SOS1: variants seen among roughly 807,000 people sequenced by gnomAD.
SOS1 encodes son of sevenless homolog 1.
In SOS1, 25 loss-of-function variants were observed where a neutral mutation model predicts 157.6. The ratio of observed to expected loss-of-function variants is 0.16; its 90% CI spans 0.12 to 0.22. SOS1 has a LOEUF of 0.22. Ranked by LOEUF, SOS1 falls within the 10% of genes least tolerant of loss-of-function variation. The probability of loss-of-function intolerance (pLI) is 1.00; values close to 1 mark genes in which losing one functional copy is unlikely to be tolerated. For missense variants in SOS1, 1,237 were observed against 1,599.1 expected (o/e 0.77, Z 3.86); for synonymous variants, 528 against 534.0 (o/e 0.99, Z 0.16).
At chr2:39,079,958 T>C (rs1672143788) in intron 1 of SOS1, among the ~76,000 whole-genome samples, 2 of 152,016 alleles carry the variant, frequency 1.3e-5, no homozygotes, top group Admixed American at 1.3e-4. Context: ...CTAAAGTCAG[T>C]GGTCCCCAAC....
chr2:39,023,257 T>A (rs532129605), intron 9 of SOS1, 32 bp from the exon 10 acceptor site: 1 of 1,549,370 alleles, frequency 6.5e-7, no homozygotes, highest in East Asian at 2.2e-5. Flanking sequence ...TATTAGTACA[T>A]AGATGACAGA....
At chr2:39,109,689 T>C (rs1019220119) in intron 1 of SOS1, among the ~76,000 whole-genome samples, 3 of 152,200 alleles carry the variant, frequency 2.0e-5, no homozygotes, top group Non-Finnish European at 2.9e-5. Context: ...CTTGTGCAGT[T>C]TGTCCTCATA....
intron 6 of SOS1, among the ~76,000 whole-genome samples, chr2:39,040,414 C>T (rs777377759): frequency 1.4e-4 from 22 of 152,216 alleles, no homozygotes; most frequent in Non-Finnish European, 2.5e-4. Flanking sequence ...CAATGTGCAA[C>T]GGTCCATTTC....
intron 1 of SOS1, among the ~76,000 whole-genome samples, chr2:39,114,607 G>A (rs940262759): frequency 3.3e-5 from 5 of 151,838 alleles, no homozygotes; most frequent in Admixed American, 1.3e-4. Context: ...CGGCTGATTT[G>A]TTTTTGTTTC....
intron 6 of SOS1, among the ~76,000 whole-genome samples, chr2:39,036,872 G>A (rs1001147480): frequency 7.2e-5 from 11 of 151,844 alleles, no homozygotes; most frequent in African/African-American, 2.4e-4. Context: ...ACCGCGCCCG[G>A]CCTGACCAGG....
chr2:39,048,464 G>A (rs1404292922), intron 6 of SOS1, among the ~76,000 whole-genome samples: 1 of 151,754 alleles, frequency 6.6e-6, no homozygotes, highest in African/African-American at 2.4e-5. Flanking sequence ...ACAGTGGCAT[G>A]AACTCAGCTC....
At chr2:39,046,566 G>C (rs886358154) in intron 6 of SOS1, among the ~76,000 whole-genome samples, 1 of 146,720 alleles carries the variant, frequency 6.8e-6, no homozygotes, top group Admixed American at 6.8e-5. Flanking sequence ...GTGCAGTGGC[G>C]GGATCTCGGC....
intron 1 of SOS1, among the ~76,000 whole-genome samples, chr2:39,115,402 C>CTTTT (rs1558520809): frequency 2.0e-5 from 2 of 99,556 alleles, no homozygotes; most frequent in Non-Finnish European, 4.5e-5. Context: ...AATTTGTTCT[C>CTTTT]TCTCTTTTTT....
intron 1 of SOS1, among the ~76,000 whole-genome samples, chr2:39,108,913 T>C (rs1673310835): frequency 6.6e-6 from 1 of 151,482 alleles, no homozygotes; most frequent in Admixed American, 6.6e-5. Context: ...AAAAAAATTA[T>C]ATGGGCTGGG....
intron 16 of SOS1, among the ~76,000 whole-genome samples, chr2:39,006,800 G>T (rs1280193349): frequency 6.6e-6 from 1 of 152,074 alleles, no homozygotes; most frequent in Non-Finnish European, 1.5e-5. Context: ...CAAATTAAGT[G>T]CCGAAAGTTT....
chr2:39,094,037 A>T (rs550093157), intron 1 of SOS1, among the ~76,000 whole-genome samples: 1 of 152,212 alleles, frequency 6.6e-6, no homozygotes, highest in East Asian at 1.9e-4. Flanking sequence ...CTAAAACAGC[A>T]TATCACAAAC....
intron 8 of SOS1, among the ~76,000 whole-genome samples, chr2:39,033,940 G>A (rs1049848240): frequency 1.1e-4 from 16 of 151,220 alleles, no homozygotes; most frequent in Non-Finnish European, 1.9e-4. Flanking sequence ...AAAAAATCCC[G>A]TTATTAGAGA....
intron 13 of SOS1, 86 bp downstream of exon 13, chr2:39,013,374 A>T: frequency 1.2e-6 from 1 of 847,826 alleles, no homozygotes; most frequent in Non-Finnish European, 2.0e-6. Flanking sequence ...ATCTTACATT[A>T]CTGAGCCCCA....
intron 3 of SOS1, 32 bp from the exon 4 acceptor site, chr2:39,056,898 A>G: frequency 7.0e-7 from 1 of 1,432,026 alleles, no homozygotes; most frequent in Non-Finnish European, 9.8e-7. Flanking sequence ...ATGTTTAAAC[A>G]TCATATACTG....
At chr2:38,989,848 C>T (rs1668677142) in intron 20 of SOS1, among the ~76,000 whole-genome samples, 1 of 151,940 alleles carries the variant, frequency 6.6e-6, no homozygotes, top group Non-Finnish European at 1.5e-5. Context: ...TAGTCATAAA[C>T]ATTTTTTTTA....
intron 3 of SOS1, 47 bp downstream of exon 3, chr2:39,058,626 G>A: frequency 1.3e-6 from 2 of 1,593,558 alleles, no homozygotes; most frequent in Non-Finnish European, 1.7e-6. Context: ...AAAATGGTGG[G>A]TTTTATTTTT....
At chr2:39,102,147 G>A (rs1002572537) in intron 1 of SOS1, among the ~76,000 whole-genome samples, 1 of 135,046 alleles carries the variant, frequency 7.4e-6, no homozygotes, top group African/African-American at 2.7e-5. Flanking sequence ...AGAGGTTGCA[G>A]TGAGCTGAGA....
intron 15 of SOS1, 116 bp downstream of exon 15, chr2:39,010,468 C>A (rs532972679): frequency 1.1e-6 from 1 of 933,416 alleles, no homozygotes; most frequent in African/African-American, 1.6e-5. Flanking sequence ...TGCCACTGCA[C>A]TCCAGCCTAT....
intron 1 of SOS1, among the ~76,000 whole-genome samples, chr2:39,103,089 T>C (rs889840635): frequency 6.6e-5 from 10 of 152,090 alleles, no homozygotes; most frequent in African/African-American, 2.4e-5. Context: ...AAAGAGTACC[T>C]AGAAAGAGAT....
Sources: gnomAD v4.1 joint callset for allele counts (sites outside exome capture counted in the v4.1 genomes callset) on GRCh38, gnomAD v4.1.1 for gene constraint, MANE v1.5 for transcripts, NCBI Gene and HGNC (gene_info 2026-07-23, HGNC 2026-07-21) for gene names.